ZMYM2: variants seen among roughly 807,000 people sequenced by gnomAD.
ZMYM2 encodes zinc finger MYM-type containing 2.
A neutral mutation model predicts 162.8 loss-of-function variants in ZMYM2; 56 were observed. That is an observed-to-expected ratio of 0.34 (90% CI 0.28 to 0.43). ZMYM2 has a LOEUF of 0.43. Ranked by LOEUF, ZMYM2 falls within the 20% of genes least tolerant of loss-of-function variation. The probability of loss-of-function intolerance (pLI) is 1.00; values close to 1 mark genes in which losing one functional copy is unlikely to be tolerated. For synonymous variants in ZMYM2, 510 were observed against 541.6 expected (o/e 0.94, Z 0.81); for missense variants, 1,275 against 1,621.8 (o/e 0.79, Z 3.67).
chr13:19,940,673 G>A, the ZMYM2 span, among the ~76,000 whole-genome samples: 31 of 152,228 alleles, frequency 2.0e-4, no homozygotes, highest in African/African-American at 3.6e-4. Context: ...TTCAAATGGC[G>A]TTCAGCCATT....
chr13:20,007,264 T>G, intron 6 of ZMYM2, among the ~76,000 whole-genome samples: 1 of 151,940 alleles, frequency 6.6e-6, no homozygotes, highest in African/African-American at 2.4e-5. Context: ...GCCTCCCAAG[T>G]AGCTGGGATT....
the ZMYM2 span, among the ~76,000 whole-genome samples, chr13:19,877,474 C>A: frequency 1.3e-5 from 2 of 152,208 alleles, no homozygotes; most frequent in Non-Finnish European, 1.5e-5. Context: ...AGAGTAAGAA[C>A]CTGCCTCCTT....
intron 2 of ZMYM2, among the ~76,000 whole-genome samples, chr13:19,969,303 T>TA (rs1956090341): frequency 6.6e-6 from 1 of 152,242 alleles, no homozygotes; most frequent in Non-Finnish European, 1.5e-5. Context: ...GCCAGTTCAC[T>TA]AGTCTTAGTT....
intron 6 of ZMYM2, among the ~76,000 whole-genome samples, chr13:20,007,084 C>G (rs535650789): frequency 1.3e-5 from 2 of 152,116 alleles, no homozygotes; most frequent in Non-Finnish European, 2.9e-5. Flanking sequence ...AACTTTTAAA[C>G]CTCGGCTTGA....
intron 2 of ZMYM2, among the ~76,000 whole-genome samples, chr13:19,989,854 A>G (rs181837848): frequency 8.9e-4 from 136 of 152,276 alleles, no homozygotes; most frequent in Non-Finnish European, 3.1e-4. Context: ...GTAACTTTTA[A>G]AAGTCATCAG....
At chr13:19,982,281 CTTTTTTTTTTTT>C (rs56165263) in intron 2 of ZMYM2, among the ~76,000 whole-genome samples, 4 of 86,254 alleles carry the variant, frequency 4.6e-5, no homozygotes, top group Non-Finnish European at 9.0e-5. Context: ...TATTAGCTGT[CTTTTTTTTTTTT>C]TTTTTTTTTT....
upstream of ZMYM2, among the ~76,000 whole-genome samples, chr13:19,957,835 T>G (rs1216166852): frequency 6.6e-6 from 1 of 152,154 alleles, no homozygotes; most frequent in Non-Finnish European, 1.5e-5. Context: ...TCCCTCCATC[T>G]TGGTTGATGG....
the ZMYM2 span, among the ~76,000 whole-genome samples, chr13:19,895,082 A>T: frequency 6.8e-6 from 1 of 146,082 alleles, no homozygotes; most frequent in Admixed American, 6.7e-5. Flanking sequence ...ATCTCAAAAA[A>T]AAAAAAAAAA....
intron 7 of ZMYM2, among the ~76,000 whole-genome samples, chr13:20,024,211 G>A (rs566293587): frequency 1.3e-5 from 2 of 152,092 alleles, no homozygotes; most frequent in African/African-American, 4.8e-5. Context: ...GGGATTACAG[G>A]TGTGAGCCAC....
chr13:19,983,812 A>G (rs1422999625), intron 2 of ZMYM2, among the ~76,000 whole-genome samples: 2 of 150,682 alleles, frequency 1.3e-5, no homozygotes, highest in Admixed American at 6.6e-5. Context: ...TATTTTTTGT[A>G]GAGTTGGGGT....
chr13:20,034,261 T>C lies in ZMYM2; in HGVS notation c.1976T>C (p.Val659Ala). ...TTCCCATTGTGCATTTAGAACAAAG[T>C]GCATCAGTTCTGCAGCAAAACTTGT... ...KPEILEWENK[V>A]HQFCSKTCSD... Residue 659 changes from valine (V) to alanine (A), a missense_variant, in exon 11 of 25, where the codon GTG becomes GCG. This residue lies in a region of ZMYM2 where 276 missense variants were observed against 311.8 expected (regional missense o/e 0.89). Coordinates refer to ENST00000610343, the MANE Select transcript of ZMYM2 (RefSeq NM_197968.4). 1 of 1,592,764 alleles carries C rather than the reference T, an allele frequency of 6.3e-7. No homozygotes were observed. Among genetic ancestry groups the C allele is most frequent in the Non-Finnish European group, 8.5e-7 (1 of 1,171,750 alleles).
intron 21 of ZMYM2, among the ~76,000 whole-genome samples, chr13:20,077,240 C>T (rs370812216): frequency 6.6e-6 from 1 of 150,548 alleles, no homozygotes; most frequent in African/African-American, 2.5e-5. Flanking sequence ...TGACAACTTA[C>T]ATTTACTGAC....
At chr13:19,885,747 TGAGGCAG>T in the ZMYM2 span, among the ~76,000 whole-genome samples, 2 of 150,732 alleles carry the variant, frequency 1.3e-5, no homozygotes, top group Admixed American at 1.3e-4. Context: ...CTCAGGAGGC[TGAGGCAG>T]GAGAATCTCT....
chr13:19,894,217 A>G, the ZMYM2 span, among the ~76,000 whole-genome samples: 1 of 151,956 alleles, frequency 6.6e-6, no homozygotes, highest in Non-Finnish European at 1.5e-5. Context: ...CTACACCAGT[A>G]CACTTAACCT....
intron 2 of ZMYM2, among the ~76,000 whole-genome samples, chr13:19,962,666 A>G (rs1291922662): frequency 6.6e-6 from 1 of 150,884 alleles, no homozygotes; most frequent in Admixed American, 6.6e-5. Context: ...TTGGGATTAC[A>G]GGCATGCGCC....
At chr13:19,921,058 T>C in the ZMYM2 span, among the ~76,000 whole-genome samples, 2 of 152,096 alleles carry the variant, frequency 1.3e-5, no homozygotes, top group Admixed American at 6.6e-5. Context: ...CGTGAGCCAC[T>C]GCACTCAGCC....
chr13:20,026,798 T>C (rs777911543), intron 8 of ZMYM2, 36 bp downstream of exon 8: 3 of 1,550,234 alleles, frequency 1.9e-6, no homozygotes, highest in East Asian at 4.6e-5. Context: ...AAAAAAACTT[T>C]ACAACGTAAT....
rs9506421 is a variant in ZMYM2 at position 20,042,727 on chromosome 13, T to A, written c.2292+5818T>A. ...ACCTTTGCTTTTTATTATTATTATT[T>A]TTTTTTATTTTTTTGAGATAGGGTC... On this transcript the variant is annotated intron_variant, in intron 12 of 24. Coordinates refer to ENST00000610343, the MANE Select transcript of ZMYM2 (RefSeq NM_197968.4). Among the ~76,000 whole-genome samples the A allele has an allele frequency of 5.2e-3, 797 of 151,846 alleles. 8 individuals carry two copies. The highest frequency in any genetic ancestry group is 0.032 in the East Asian group (166 of 5,186).
At chr13:19,923,861 G>C in the ZMYM2 span, among the ~76,000 whole-genome samples, 2 of 151,842 alleles carry the variant, frequency 1.3e-5, no homozygotes, top group African/African-American at 2.4e-5. Flanking sequence ...GGTATAGACA[G>C]GGTTTCGCCA....
Sources: gnomAD v4.1 joint callset for allele counts (sites outside exome capture counted in the v4.1 genomes callset) on GRCh38, gnomAD v4.1.1 for gene constraint, gnomAD v4.1.1 regional missense constraint, MANE v1.5 for transcripts, NCBI Gene and HGNC (gene_info 2026-07-23, HGNC 2026-07-21) for gene names.